Variants in DNM3 observed in about 807,000 individuals in gnomAD.
DNM3 encodes dynamin-3.
Under a neutral mutation model 101.6 loss-of-function variants are expected in DNM3, and 47 were observed. The ratio of observed to expected loss-of-function variants is 0.46; its 90% CI spans 0.37 to 0.59. The LOEUF is 0.59. DNM3 is among the 20% of genes least tolerant of loss of function. The probability of loss-of-function intolerance (pLI) is 0.00; values close to 1 mark genes in which losing one functional copy is unlikely to be tolerated. For synonymous variants in DNM3, 385 were observed against 387.9 expected (o/e 0.99, Z 0.09); for missense variants, 849 against 1,085.7 (o/e 0.78, Z 3.06).
At chr1:172,413,252 G>A (rs1272451574), downstream of DNM3, among the ~76,000 whole-genome samples, 2 of 152,086 alleles carry the variant, frequency 1.3e-5, no homozygotes, top group South Asian at 2.1e-4. Context: ...TTTTTGAGAC[G>A]GAGTTTCGCT....
chr1:172,160,616 T>C (rs1053187757), intron 14 of DNM3, among the ~76,000 whole-genome samples: 5 of 151,988 alleles, frequency 3.3e-5, no homozygotes, highest in African/African-American at 1.2e-4. Context: ...TAACAATACC[T>C]TCCTCTGGAA....
chr1:171,958,282 T>C (rs1224675892), intron 2 of DNM3, among the ~76,000 whole-genome samples: 1 of 152,212 alleles, frequency 6.6e-6, no homozygotes, highest in Non-Finnish European at 1.5e-5. Flanking sequence ...CATGTGGCAA[T>C]TGTGGGAGTT....
At chr1:172,265,474 C>A (rs1481636408) in intron 15 of DNM3, among the ~76,000 whole-genome samples, 1 of 152,140 alleles carries the variant, frequency 6.6e-6, no homozygotes. Flanking sequence ...CCTGAGCCTT[C>A]CTCTGGCTCT....
chr1:172,016,337 T>C (rs959373236), intron 4 of DNM3, among the ~76,000 whole-genome samples: 2 of 152,242 alleles, frequency 1.3e-5, no homozygotes, highest in African/African-American at 4.8e-5. Context: ...TGTCAATTTT[T>C]TCTGCATCTT....
chr1:172,319,283 C>T (rs1405914923), intron 16 of DNM3, among the ~76,000 whole-genome samples: 1 of 151,704 alleles, frequency 6.6e-6, no homozygotes, highest in Non-Finnish European at 1.5e-5. Flanking sequence ...ACCATAAAAA[C>T]CCTAGAAGAA....
intron 15 of DNM3, among the ~76,000 whole-genome samples, chr1:172,297,455 G>C (rs2586409): frequency 0.073 from 11,133 of 152,096 alleles, 469 homozygotes; most frequent in African/African-American, 0.1. Flanking sequence ...GAAAATACTT[G>C]TGGATGTCCT....
chr1:172,369,914 C>T (rs2068233867), intron 17 of DNM3, among the ~76,000 whole-genome samples: 1 of 151,866 alleles, frequency 6.6e-6, no homozygotes, highest in Non-Finnish European at 1.5e-5. Flanking sequence ...CTCTTCTTGA[C>T]TCATGTCATC....
At chr1:171,867,864 T>G (rs998507773) in intron 1 of DNM3, among the ~76,000 whole-genome samples, 20 of 152,098 alleles carry the variant, frequency 1.3e-4, no homozygotes, top group Admixed American at 1.3e-3. Context: ...GTCACACACT[T>G]AAGATGTAGC....
At chr1:172,391,213 G>A (rs542727816) in intron 20 of DNM3, among the ~76,000 whole-genome samples, 3 of 152,276 alleles carry the variant, frequency 2.0e-5, no homozygotes, top group Non-Finnish European at 4.4e-5. Context: ...GCCATGCAAA[G>A]AGTCCCAAAT....
chr1:172,407,525 CTTA>C (rs1263207618), intron 20 of DNM3, among the ~76,000 whole-genome samples: 4 of 151,748 alleles, frequency 2.6e-5, no homozygotes, highest in Non-Finnish European at 5.9e-5. Context: ...TTTCATATTT[CTTA>C]TTAGTATTGG....
intron 9 of DNM3, among the ~76,000 whole-genome samples, chr1:172,046,209 G>A (rs1038771092): frequency 1.3e-5 from 2 of 152,072 alleles, no homozygotes; most frequent in South Asian, 2.1e-4. Flanking sequence ...TATACACCAT[G>A]GAATACTATG....
intron 14 of DNM3, among the ~76,000 whole-genome samples, chr1:172,208,857 C>T (rs2060414310): frequency 6.6e-6 from 1 of 152,044 alleles, no homozygotes; most frequent in South Asian, 2.1e-4. Context: ...GCATGATCAA[C>T]TATTTCTGTA....
chr1:172,202,468 G>A (rs142836452), intron 14 of DNM3, among the ~76,000 whole-genome samples: 24 of 152,042 alleles, frequency 1.6e-4, no homozygotes, highest in African/African-American at 3.9e-4. Flanking sequence ...GGTTAATCAC[G>A]CTTTCAAATA....
At chr1:172,235,993 A>T (rs1042729966) in intron 14 of DNM3, among the ~76,000 whole-genome samples, 7 of 151,664 alleles carry the variant, frequency 4.6e-5, no homozygotes, top group African/African-American at 1.5e-4. Context: ...CTTAAAGTAT[A>T]AAAAAAAATA....
intron 14 of DNM3, chr1:172,139,789 T>A (rs1055057361): frequency 1.3e-5 from 2 of 152,130 alleles, no homozygotes; most frequent in African/African-American, 4.8e-5. Context: ...TAAAACCAGA[T>A]CCTTTGAAAA....
At chr1:172,248,996 T>A (rs2062064168) in intron 14 of DNM3, among the ~76,000 whole-genome samples, 1 of 152,160 alleles carries the variant, frequency 6.6e-6, no homozygotes, top group Admixed American at 6.5e-5. Context: ...ATACAATAAT[T>A]AAAGCTGTCA....
chr1:172,164,853 A>G (rs756432600), intron 14 of DNM3, among the ~76,000 whole-genome samples: 2 of 152,060 alleles, frequency 1.3e-5, no homozygotes, highest in African/African-American at 2.4e-5. Flanking sequence ...TCCTAAGGGC[A>G]TCAGACATGG....
rs182937246 is a variant in DNM3 at position 172,096,266 on chromosome 1, C to T, written c.1545+3391C>T. ...TATTTTTTGTCTTCCTTCATTAGGA[C>T]GTAAGACCCATTAAAGCTATTTTTA... is the stretch of plus-strand genomic sequence containing the variant. On this transcript the variant is annotated intron_variant, in intron 13 of 20. Coordinates refer to ENST00000627582, the MANE Select transcript of DNM3 (RefSeq NM_015569.5). Among the ~76,000 whole-genome samples, 48 of 152,224 alleles carry T rather than the reference C, an allele frequency of 3.2e-4. No homozygotes were observed. The East Asian group carries it at 7.3e-3, about 23-fold the overall frequency.
chr1:172,131,228 C>T lies in DNM3; in HGVS notation c.1599C>T (p.Gly533=), dbSNP rs1490666931. Residue 533 remains glycine, a synonymous_variant, in exon 14 of 21, where the codon GGC becomes GGT. Transcript: ENST00000627582. The part of the protein sequence containing the change: ...TISNIGIMKG[G]SKGYWFVLTA... The stretch of plus-strand genomic sequence containing the variant: ...GCAACATTGGCATCATGAAAGGCGG[C>T]TCGAAGGGATACTGGTTCGTCCTTA... 2 of 1,613,382 alleles carry T rather than the reference C, an allele frequency of 1.2e-6. No homozygotes were observed. Among genetic ancestry groups the T allele is most frequent in the Admixed American group, 1.7e-5 (1 of 59,934 alleles).
Sources: allele counts gnomAD v4.1 joint callset (sites outside exome capture counted in the v4.1 genomes callset), GRCh38; gene constraint gnomAD v4.1.1; transcripts MANE v1.5; gene names NCBI Gene and HGNC (gene_info 2026-07-23, HGNC 2026-07-21).